RCAN2: variants seen among roughly 807,000 people sequenced by gnomAD.
The protein encoded by RCAN2 is regulator of calcineurin 2.
In RCAN2, 9 loss-of-function variants were observed where a neutral mutation model predicts 23.6. That is an observed-to-expected ratio of 0.38 (90% confidence interval 0.23 to 0.67). RCAN2 has a LOEUF of 0.67. Ranked by LOEUF, RCAN2 falls within the 30% of genes least tolerant of loss-of-function variation. The pLI is 0.51. For missense variants in RCAN2, 273 were observed against 302.3 expected (o/e 0.90, Z 0.72); for synonymous variants, 109 against 115.7 (o/e 0.94, Z 0.37).
At chr6:46,377,941 T>C (rs1365744240) in intron 2 of RCAN2, among the ~76,000 whole-genome samples, 2 of 152,194 alleles carry the variant, frequency 1.3e-5, no homozygotes, top group East Asian at 3.9e-4. Flanking sequence ...AAACTTGTTG[T>C]AGGATCTTGT....
At chr6:46,252,838 C>T (rs1434566578) in intron 2 of RCAN2, among the ~76,000 whole-genome samples, 1 of 152,082 alleles carries the variant, frequency 6.6e-6, no homozygotes, top group Non-Finnish European at 1.5e-5. Context: ...TGGCCTCATC[C>T]AAATATGCGG....
At chr6:46,258,631 C>A (rs544525492) in intron 2 of RCAN2, among the ~76,000 whole-genome samples, 5 of 152,292 alleles carry the variant, frequency 3.3e-5, no homozygotes, top group African/African-American at 1.2e-4. Flanking sequence ...CTCATGGACT[C>A]ATCACACACC....
chr6:46,277,736 C>A (rs570907902), intron 2 of RCAN2, among the ~76,000 whole-genome samples: 2 of 151,920 alleles, frequency 1.3e-5, no homozygotes, highest in African/African-American at 4.8e-5. Context: ...TGTGGGTGGT[C>A]ATGGGGAAGG....
chr6:46,434,467 C>A (rs141659345), intron 2 of RCAN2, among the ~76,000 whole-genome samples: 526 of 152,194 alleles, frequency 3.5e-3, no homozygotes, highest in African/African-American at 0.012. Context: ...TGGAGGGCTG[C>A]TTATGGGAGC....
chr6:46,490,620 T>C (rs1769112778), intron 1 of RCAN2, among the ~76,000 whole-genome samples: 1 of 152,076 alleles, frequency 6.6e-6, no homozygotes, highest in Admixed American at 6.5e-5. Context: ...CTTTTCAAAC[T>C]TGAAGTTATT....
intron 2 of RCAN2, among the ~76,000 whole-genome samples, chr6:46,358,730 C>T (rs1228878363): frequency 6.6e-6 from 1 of 152,124 alleles, no homozygotes; most frequent in African/African-American, 2.4e-5. Context: ...TTTAAATATG[C>T]TGCTAGGGCT....
Position 46,456,935 on chromosome 6 carries a change from C to G in RCAN2, c.42G>C (p.Gly14=). Residue 14 remains glycine, a synonymous_variant, in exon 2 of 5, where the codon GGG becomes GGC. Transcript: ENST00000371374. ...CATCTTCAGGGACGTGTCCCTGCTG[C>G]CCTGGGCTCCTCATTCCGATGAAGT... ...ESYFIGMRSP[G]QQGHVPEDGG... 6.4e-7 allele frequency: 1 copy of G among 1,550,804 alleles called. No individual in the cohort carries two copies. The highest frequency in any genetic ancestry group is 8.7e-7 in the Non-Finnish European group (1 of 1,146,958).
chr6:46,381,940 G>A (rs150633342), intron 2 of RCAN2, among the ~76,000 whole-genome samples: 2 of 152,262 alleles, frequency 1.3e-5, no homozygotes, highest in East Asian at 1.9e-4. Context: ...CCAATATGTC[G>A]ATAGATCAAA....
intron 1 of RCAN2, among the ~76,000 whole-genome samples, chr6:46,487,294 T>G (rs181748824): frequency 6.6e-6 from 1 of 152,356 alleles, no homozygotes; most frequent in East Asian, 1.9e-4. Context: ...TAATGAATAC[T>G]TCAGAGATGC....
intron 2 of RCAN2, among the ~76,000 whole-genome samples, chr6:46,317,789 T>C (rs1365410517): frequency 6.6e-6 from 1 of 152,232 alleles, no homozygotes; most frequent in Non-Finnish European, 1.5e-5. Context: ...TGATTAATGC[T>C]TTATTAATTA....
chr6:46,334,742 C>G (rs1374281756), intron 2 of RCAN2, among the ~76,000 whole-genome samples: 2 of 152,200 alleles, frequency 1.3e-5, no homozygotes, highest in East Asian at 3.9e-4. Context: ...TAGCACCTTA[C>G]TGCTGCTGAG....
intron 2 of RCAN2, among the ~76,000 whole-genome samples, chr6:46,389,670 T>C (rs1187339386): frequency 6.6e-6 from 1 of 152,248 alleles, no homozygotes; most frequent in East Asian, 1.9e-4. Context: ...ATGTGGCTTA[T>C]GAATGCAAAG....
At chr6:46,415,818 G>A (rs373713443) in intron 2 of RCAN2, among the ~76,000 whole-genome samples, 1 of 152,146 alleles carries the variant, frequency 6.6e-6, no homozygotes, top group Admixed American at 6.5e-5. Flanking sequence ...ATATACACTC[G>A]TTCCTCAATA....
chr6:46,379,583 T>G (rs1006077799), intron 2 of RCAN2, among the ~76,000 whole-genome samples: 3 of 152,224 alleles, frequency 2.0e-5, no homozygotes, highest in African/African-American at 7.2e-5. Context: ...GGTTTTGCAA[T>G]AGCTCTAAAA....
At chr6:46,314,970 A>T (rs1763388256) in intron 2 of RCAN2, among the ~76,000 whole-genome samples, 1 of 152,192 alleles carries the variant, frequency 6.6e-6, no homozygotes, top group Non-Finnish European at 1.5e-5. Flanking sequence ...CTGAGATGGA[A>T]GCATCACTTG....
intron 2 of RCAN2, among the ~76,000 whole-genome samples, chr6:46,252,748 A>G (rs1445798864): frequency 6.6e-6 from 1 of 152,242 alleles, no homozygotes; most frequent in Non-Finnish European, 1.5e-5. Flanking sequence ...ACATTAATAG[A>G]AGACACCTGG....
At chr6:46,397,372 A>AACACAC (rs58494804) in intron 2 of RCAN2, among the ~76,000 whole-genome samples, 2,846 of 146,206 alleles carry the variant, frequency 0.019, 43 homozygotes, top group African/African-American at 0.042. Context: ...ATTTCACAGA[A>AACACAC]ACACACACAC....
At chr6:46,345,337 A>G (rs1764449659) in intron 2 of RCAN2, among the ~76,000 whole-genome samples, 1 of 152,014 alleles carries the variant, frequency 6.6e-6, no homozygotes, top group South Asian at 2.1e-4. Context: ...AAATTGATAG[A>G]AAAAAAATAA....
intron 2 of RCAN2, among the ~76,000 whole-genome samples, chr6:46,386,547 G>T (rs1320968011): frequency 6.8e-6 from 1 of 146,154 alleles, no homozygotes; most frequent in African/African-American, 2.5e-5. Flanking sequence ...GGTGGAGGTT[G>T]CAGTGAGCCG....
Sources: gnomAD v4.1 joint callset for allele counts (sites outside exome capture counted in the v4.1 genomes callset) on GRCh38, gnomAD v4.1.1 for gene constraint, MANE v1.5 for transcripts, NCBI Gene and HGNC (gene_info 2026-07-23, HGNC 2026-07-21) for gene names.